CHSY3: variants seen among roughly 807,000 people sequenced by gnomAD.
The protein encoded by CHSY3 is N-acetylgalactosaminyl-proteoglycan 3-beta-glucuronosyltransferase 3.
In CHSY3, 35 loss-of-function variants were observed where a neutral mutation model predicts 67.2. The observed-to-expected ratio is 0.52, with a 90% CI of 0.40 to 0.69. CHSY3 has a LOEUF of 0.69. CHSY3 is among the 30% of genes least tolerant of loss of function. The probability of loss-of-function intolerance (pLI) is 0.00; values close to 1 mark genes in which losing one functional copy is unlikely to be tolerated. For synonymous variants in CHSY3, 474 were observed against 434.7 expected (o/e 1.09, Z -1.12); for missense variants, 1,069 against 1,138.5 (o/e 0.94, Z 0.88).
intron 2 of CHSY3, among the ~76,000 whole-genome samples, chr5:130,085,418 T>A (rs868456902): frequency 6.6e-6 from 1 of 152,044 alleles, no homozygotes; most frequent in Non-Finnish European, 1.5e-5. Flanking sequence ...GCATCTTCTA[T>A]CTTGGTTGAT....
At chr5:129,970,490 A>C (rs1351490320) in intron 2 of CHSY3, among the ~76,000 whole-genome samples, 1 of 151,790 alleles carries the variant, frequency 6.6e-6, no homozygotes, top group African/African-American at 2.4e-5. Context: ...GTTTACACAG[A>C]GATCTTAAAT....
intron 2 of CHSY3, among the ~76,000 whole-genome samples, chr5:130,069,992 C>T (rs770310506): frequency 2.9e-4 from 44 of 151,916 alleles, no homozygotes; most frequent in Non-Finnish European, 4.9e-4. Context: ...ACATTTTTAA[C>T]GAAACTTATA....
At chr5:129,999,595 C>A (rs1763659931) in intron 2 of CHSY3, among the ~76,000 whole-genome samples, 1 of 152,012 alleles carries the variant, frequency 6.6e-6, no homozygotes, top group South Asian at 2.1e-4. Context: ...ATTATCAGAC[C>A]CTTCTTTTCC....
chr5:130,069,353 T>C (rs555530380), intron 2 of CHSY3, among the ~76,000 whole-genome samples: 1 of 151,916 alleles, frequency 6.6e-6, no homozygotes, highest in African/African-American at 2.4e-5. Context: ...TAAACCAAGA[T>C]AGAAGAAGAG....
chr5:130,064,006 AT>A, intron 2 of CHSY3, among the ~76,000 whole-genome samples: 1 of 152,136 alleles, frequency 6.6e-6, no homozygotes, highest in East Asian at 1.9e-4. Context: ...TTTAATGGTA[AT>A]TTTTTTGAAG....
intron 2 of CHSY3, among the ~76,000 whole-genome samples, chr5:130,183,097 A>G (rs1016008896): frequency 2.0e-4 from 29 of 143,144 alleles, no homozygotes; most frequent in Admixed American, 1.9e-3. Flanking sequence ...CTTCTTTTTC[A>G]CCTCCTTCTC....
intron 2 of CHSY3, among the ~76,000 whole-genome samples, chr5:130,047,625 A>C (rs1765194335): frequency 6.6e-6 from 1 of 152,082 alleles, no homozygotes. Context: ...TAAAGTTCAA[A>C]TAATACATAT....
chr5:130,173,214 G>T (rs987186214), intron 2 of CHSY3, among the ~76,000 whole-genome samples: 1 of 151,974 alleles, frequency 6.6e-6, no homozygotes. Context: ...TAATACATTT[G>T]GGGAGGGATT....
intron 2 of CHSY3, among the ~76,000 whole-genome samples, chr5:130,135,055 T>A (rs1768614593): frequency 6.6e-6 from 1 of 152,030 alleles, no homozygotes; most frequent in Non-Finnish European, 1.5e-5. Flanking sequence ...AGTGTCGATA[T>A]AGATATAGTA....
chr5:130,100,165 A>G (rs1767186064), intron 2 of CHSY3, among the ~76,000 whole-genome samples: 1 of 152,034 alleles, frequency 6.6e-6, no homozygotes, highest in African/African-American at 2.4e-5. Flanking sequence ...GAAGCTTTCA[A>G]TGTACTCTAT....
At chr5:129,921,147 C>A (rs578242340) in intron 2 of CHSY3, among the ~76,000 whole-genome samples, 3 of 152,118 alleles carry the variant, frequency 2.0e-5, no homozygotes, top group Admixed American at 6.5e-5. Context: ...CCAGAACTTT[C>A]ACCTTTTCAC....
At chr5:130,026,464 T>C (rs1421432613) in intron 2 of CHSY3, among the ~76,000 whole-genome samples, 1 of 151,780 alleles carries the variant, frequency 6.6e-6, no homozygotes, top group Non-Finnish European at 1.5e-5. Context: ...ATAGAATTCA[T>C]TGTTTCACAT....
At chr5:130,161,878 A>T (rs1769554351) in intron 2 of CHSY3, among the ~76,000 whole-genome samples, 1 of 151,848 alleles carries the variant, frequency 6.6e-6, no homozygotes, top group African/African-American at 2.4e-5. Context: ...GTCTCTACTG[A>T]AAATATAAAA....
intron 2 of CHSY3, among the ~76,000 whole-genome samples, chr5:129,957,310 G>A (rs1762205652): frequency 6.6e-6 from 1 of 151,956 alleles, no homozygotes; most frequent in South Asian, 2.1e-4. Flanking sequence ...TTTGTATGTT[G>A]ATTTTGTATT....
At chr5:129,999,626 A>G (rs762481562) in intron 2 of CHSY3, among the ~76,000 whole-genome samples, 2 of 151,966 alleles carry the variant, frequency 1.3e-5, no homozygotes, top group Non-Finnish European at 2.9e-5. Context: ...ATTTTGTCCT[A>G]TTCTCTTCCT....
intron 2 of CHSY3, among the ~76,000 whole-genome samples, chr5:130,007,794 C>T (rs1270246609): frequency 1.3e-5 from 2 of 152,094 alleles, no homozygotes; most frequent in African/African-American, 4.8e-5. Flanking sequence ...TGGTTCTGTT[C>T]AGAACAGGGC....
At chr5:130,001,852 C>T in intron 2 of CHSY3, 1 of 898,892 alleles carries the variant, frequency 1.1e-6, no homozygotes, top group Non-Finnish European at 1.3e-6. Flanking sequence ...AGAAATTTAA[C>T]CCACTAATAT....
chr5:130,108,420 A>G (rs977154889), intron 2 of CHSY3, among the ~76,000 whole-genome samples: 2 of 151,602 alleles, frequency 1.3e-5, no homozygotes, highest in Admixed American at 6.6e-5. Flanking sequence ...AGTACTTAAT[A>G]CAAATAAATA....
intron 2 of CHSY3, among the ~76,000 whole-genome samples, chr5:129,979,588 A>G (rs1762925079): frequency 6.6e-6 from 1 of 152,172 alleles, no homozygotes; most frequent in Admixed American, 6.6e-5. Flanking sequence ...GTTACAATCG[A>G]TGAGCCTGAA....
Sources: gnomAD v4.1 joint callset for allele counts (sites outside exome capture counted in the v4.1 genomes callset) on GRCh38, gnomAD v4.1.1 for gene constraint, MANE v1.5 for transcripts, NCBI Gene and HGNC (gene_info 2026-07-23, HGNC 2026-07-21) for gene names.